Variants in KIT observed in about 807,000 individuals in gnomAD.
KIT encodes the protein mast/stem cell growth factor receptor Kit.
Under a neutral mutation model 105.7 loss-of-function variants are expected in KIT, and 16 were observed. The observed-to-expected ratio is 0.15, with a 90% CI of 0.10 to 0.23. The LOEUF is 0.23. Ranked by LOEUF, KIT falls within the 10% of genes least tolerant of loss-of-function variation. The probability of loss-of-function intolerance (pLI) is 1.00; values close to 1 mark genes in which losing one functional copy is unlikely to be tolerated. For synonymous variants in KIT, 438 were observed against 441.1 expected (o/e 0.99, Z 0.09); for missense variants, 858 against 1,213.8 (o/e 0.71, Z 4.36).
rs1028308785 is a variant in KIT, at chr4:54,727,665, C to T, written c.1774+123C>T. On this transcript the variant is annotated intron_variant, in intron 11 of 20. Coordinates refer to ENST00000288135, the MANE Select transcript of KIT (RefSeq NM_000222.3). ...AAACAATGAGTTTTCTGTGAAATTG[C>T]GCCCCTTTTGATAGGTTTGCCATAG... The T allele has an allele frequency of 3.9e-5, 55 of 1,397,982 alleles. 1 individual carries two copies. Among genetic ancestry groups the T allele is most frequent in the South Asian group, 7.1e-5 (6 of 84,784 alleles). The allele number at this position is 1,397,982 out of a possible 1,614,324, so 86.6% of individuals were successfully genotyped here. A position where few individuals can be genotyped will look rare whatever the true frequency, so the allele number is the denominator to read the frequency against.
chr4:54,721,892 A>G (rs1032562892), intron 7 of KIT, among the ~76,000 whole-genome samples: 2 of 152,202 alleles, frequency 1.3e-5, no homozygotes, highest in African/African-American at 4.8e-5. Flanking sequence ...ATTATTGAGG[A>G]GAATATTTAG....
At chr4:54,734,188 A>G (rs532729500) in intron 17 of KIT, among the ~76,000 whole-genome samples, 9 of 152,318 alleles carry the variant, frequency 5.9e-5, no homozygotes. Flanking sequence ...GAAGAATGAT[A>G]AGTCGTTAAT....
intron 1 of KIT, among the ~76,000 whole-genome samples, chr4:54,684,196 T>G (rs1445267874): frequency 6.7e-6 from 1 of 148,194 alleles, no homozygotes; most frequent in Non-Finnish European, 1.5e-5. Flanking sequence ...TGGGGTGGGG[T>G]GGTGCAGCCT....
At position 54,735,883 on chromosome 4, in the gene KIT, CCTGAGTGTAACCCCCATGT is replaced by C. The variant is rs777219868; in HGVS notation, c.2485-613_2485-595del. Among the ~76,000 whole-genome samples the C allele has an allele frequency of 3.3e-5, 5 of 152,176 alleles. No homozygotes were observed. The South Asian group carries it at 1.0e-3, about 32-fold the overall frequency. ...TCTTTCCTTTCCATGCTTAGCCATT[CCTGAGTGTAACCCCCATGT>C]CCATGGTCCAAGATGACCACCAGGT... On this transcript the variant is annotated intron_variant, in intron 17 of 20. Transcript: ENST00000288135.
intron 8 of KIT, 93 bp downstream of exon 8, chr4:54,723,791 A>G: frequency 1.1e-6 from 1 of 875,516 alleles, no homozygotes; most frequent in Non-Finnish European, 1.9e-6. Flanking sequence ...TTTTTTTAAA[A>G]AAGCTTTGTT....
At chr4:54,711,514 C>G (rs1721157566) in intron 7 of KIT, among the ~76,000 whole-genome samples, 1 of 152,172 alleles carries the variant, frequency 6.6e-6, no homozygotes, top group African/African-American at 2.4e-5. Flanking sequence ...TCTCCCTTTT[C>G]AAGGGAAACA....
chr4:54,711,447 G>T (rs1447545855), intron 7 of KIT, among the ~76,000 whole-genome samples: 1 of 152,284 alleles, frequency 6.6e-6, no homozygotes, highest in African/African-American at 2.4e-5. Flanking sequence ...ATGTGACTTT[G>T]CCAGAGGGGG....
intron 6 of KIT, among the ~76,000 whole-genome samples, chr4:54,707,966 A>T (rs1418641178): frequency 6.6e-6 from 1 of 152,176 alleles, no homozygotes; most frequent in Non-Finnish European, 1.5e-5. Context: ...GTGCCTGGAT[A>T]GGGTTTTGCT....
At chr4:54,690,757 T>A (rs879405095) in intron 1 of KIT, among the ~76,000 whole-genome samples, 22 of 152,326 alleles carry the variant, frequency 1.4e-4, no homozygotes, top group Middle Eastern at 3.4e-3. Flanking sequence ...CAAAGCTAAG[T>A]TGGAATACCT....
At chr4:54,696,183 C>T (rs1208522806) in intron 2 of KIT, among the ~76,000 whole-genome samples, 4 of 151,980 alleles carry the variant, frequency 2.6e-5, no homozygotes, top group Non-Finnish European at 4.4e-5. Context: ...ACCGACACTT[C>T]GAAAGATGTG....
intron 1 of KIT, among the ~76,000 whole-genome samples, chr4:54,666,881 C>T (rs1249260413): frequency 4.6e-5 from 7 of 152,094 alleles, no homozygotes; most frequent in Admixed American, 2.6e-4. Context: ...GTCACAATTT[C>T]GGCTATATTG....
intron 2 of KIT, among the ~76,000 whole-genome samples, chr4:54,696,118 C>T (rs1720047301): frequency 6.6e-6 from 1 of 152,020 alleles, no homozygotes; most frequent in African/African-American, 2.4e-5. Flanking sequence ...ATACTAGATA[C>T]TCCCACTTAG....
intron 1 of KIT, among the ~76,000 whole-genome samples, chr4:54,693,294 C>T (rs770634848): frequency 6.6e-6 from 1 of 152,224 alleles, no homozygotes; most frequent in Non-Finnish European, 1.5e-5. Flanking sequence ...ACCACCCTCT[C>T]TTTGAAACTT....
intron 7 of KIT, among the ~76,000 whole-genome samples, chr4:54,712,034 G>T (rs1411305102): frequency 6.6e-6 from 1 of 151,878 alleles, no homozygotes; most frequent in Non-Finnish European, 1.5e-5. Flanking sequence ...TTTAAGAGAT[G>T]ACCGTAGGTA....
chr4:54,709,648 T>C, intron 7 of KIT, 109 bp downstream of exon 7: 3 of 753,162 alleles, frequency 4.0e-6, no homozygotes, highest in East Asian at 2.7e-5. Context: ...TAACGTTTCA[T>C]GATAATCTTG....
chr4:54,718,136 C>T (rs1023156086), intron 7 of KIT, among the ~76,000 whole-genome samples: 26 of 152,288 alleles, frequency 1.7e-4, no homozygotes, highest in East Asian at 3.9e-4. Flanking sequence ...AGTCTTGTTC[C>T]GTCGCCTAAG....
chr4:54,739,132 A>G lies in KIT; in HGVS notation c.*575A>G, dbSNP rs950845391. On this transcript the variant is annotated 3_prime_UTR_variant, in exon 21 of 21. Transcript: ENST00000288135. ...AACAAAAGATGCTCTTCTGTGGACCACTGCATGAGCTTTTATACTACCGAC... is the reference window on the plus strand; with the variant it reads ...AACAAAAGATGCTCTTCTGTGGACCGCTGCATGAGCTTTTATACTACCGAC... 1.9e-5 allele frequency: 7 copies of G among 364,128 alleles called. No homozygotes were observed. The Admixed American group carries it at 2.6e-4, about 13-fold the overall frequency. The allele number at this position is 364,128 out of a possible 1,614,324, so 22.6% of individuals were successfully genotyped here. A position where few individuals can be genotyped will look rare whatever the true frequency, so the allele number is the denominator to read the frequency against.
intron 1 of KIT, among the ~76,000 whole-genome samples, chr4:54,690,294 C>T (rs992884218): frequency 1.3e-5 from 2 of 152,134 alleles, no homozygotes; most frequent in Admixed American, 6.6e-5. Flanking sequence ...TAGCAAGTAC[C>T]TGAAGAGGTT....
chr4:54,727,777 A>G, intron 11 of KIT, 46 bp from the exon 12 acceptor site: 1 of 1,486,558 alleles, frequency 6.7e-7, no homozygotes. Context: ...CTTCAATTCC[A>G]CCACCAGCAC....
Sources: gnomAD v4.1 joint callset for allele counts (sites outside exome capture counted in the v4.1 genomes callset) on GRCh38, gnomAD v4.1.1 for gene constraint, MANE v1.5 for transcripts, NCBI Gene and HGNC (gene_info 2026-07-23, HGNC 2026-07-21) for gene names.